CDH18: variants seen among roughly 807,000 people sequenced by gnomAD.
CDH18 encodes cadherin-18.
In CDH18, 31 loss-of-function variants were observed where a neutral mutation model predicts 67.9. The ratio of observed to expected loss-of-function variants is 0.46; its 90% CI spans 0.34 to 0.62. The LOEUF (loss-of-function observed/expected upper bound fraction) is 0.62, where lower values mean the gene tolerates loss of function less well. CDH18 is among the 20% of genes least tolerant of loss of function. CDH18 has a pLI of 0.01. For synonymous variants in CDH18, 362 were observed against 347.2 expected (o/e 1.04, Z -0.48); for missense variants, 890 against 975.5 (o/e 0.91, Z 1.17).
At chr5:19,612,382 C>T in intron 6 of CDH18, 52 bp downstream of exon 6, 1 of 1,556,264 alleles carries the variant, frequency 6.4e-7, no homozygotes, top group Non-Finnish European at 8.8e-7. Context: ...TTTCATTTTA[C>T]TTTACATAAA....
At chr5:19,751,475 C>A (rs930316213) in intron 3 of CDH18, among the ~76,000 whole-genome samples, 6 of 152,116 alleles carry the variant, frequency 3.9e-5, no homozygotes, top group African/African-American at 1.2e-4. Context: ...TATGATTGAT[C>A]ATTATCTCCA....
At chr5:19,845,851 G>A (rs946641268) in intron 2 of CDH18, among the ~76,000 whole-genome samples, 3 of 107,924 alleles carry the variant, frequency 2.8e-5, no homozygotes, top group Non-Finnish European at 6.4e-5. Context: ...ACATTTGCAT[G>A]GAATATATAT....
chr5:19,475,314 A>C (rs1738264119), intron 12 of CDH18, among the ~76,000 whole-genome samples: 2 of 152,064 alleles, frequency 1.3e-5, no homozygotes, highest in African/African-American at 4.8e-5. Flanking sequence ...ATAATTTAGT[A>C]AACATTATAG....
intron 1 of CDH18, among the ~76,000 whole-genome samples, chr5:20,560,151 C>T (rs867558942): frequency 1.3e-5 from 2 of 152,170 alleles, no homozygotes; most frequent in South Asian, 2.1e-4. Flanking sequence ...ATCAGGCTCC[C>T]GTGCTGTCAC....
intron 1 of CDH18, among the ~76,000 whole-genome samples, chr5:20,354,605 C>A (rs73056791): frequency 0.15 from 23,420 of 151,968 alleles, 3,196 homozygotes; most frequent in East Asian, 0.44. Flanking sequence ...GTTGCCCAGG[C>A]TAGTCTCGAA....
At chr5:19,608,823 T>G (rs1001021577) in intron 6 of CDH18, among the ~76,000 whole-genome samples, 2 of 151,850 alleles carry the variant, frequency 1.3e-5, no homozygotes, top group African/African-American at 2.4e-5. Flanking sequence ...CAATGTAATA[T>G]TGGAGGATCA....
chr5:19,799,258 A>C (rs1453494334), intron 3 of CDH18, among the ~76,000 whole-genome samples: 1 of 152,082 alleles, frequency 6.6e-6, no homozygotes, highest in Non-Finnish European at 1.5e-5. Context: ...GAAGGGAGAA[A>C]TGTGAAGTGT....
At chr5:19,648,153 A>C (rs1422878189) in intron 5 of CDH18, among the ~76,000 whole-genome samples, 2 of 152,092 alleles carry the variant, frequency 1.3e-5, no homozygotes. Context: ...AATGGCTCAG[A>C]CCTGTAATCC....
chr5:20,218,157 G>A (rs1740926436), intron 2 of CDH18, among the ~76,000 whole-genome samples: 1 of 151,774 alleles, frequency 6.6e-6, no homozygotes, highest in African/African-American at 2.4e-5. Flanking sequence ...CTGCACTACA[G>A]GCCCAACAGA....
At chr5:19,910,654 C>T (rs1308210519) in intron 2 of CDH18, among the ~76,000 whole-genome samples, 1 of 151,942 alleles carries the variant, frequency 6.6e-6, no homozygotes, top group Admixed American at 6.6e-5. Context: ...GCACAAACAT[C>T]AAATCAAAAT....
chr5:20,012,204 A>T (rs766437847), intron 2 of CDH18, among the ~76,000 whole-genome samples: 7 of 149,926 alleles, frequency 4.7e-5, no homozygotes, highest in Non-Finnish European at 8.9e-5. Context: ...TTTCTTCTAG[A>T]TTTTCCAGTT....
At chr5:19,590,862 C>T (rs762402792) in intron 7 of CDH18, among the ~76,000 whole-genome samples, 195 bp downstream of exon 7, 15 of 151,916 alleles carry the variant, frequency 9.9e-5, no homozygotes, top group African/African-American at 1.5e-4. Context: ...ATCTTCCCAC[C>T]GCAGCAAAAC....
At chr5:20,131,343 C>T (rs1023433009) in intron 2 of CDH18, among the ~76,000 whole-genome samples, 4 of 152,032 alleles carry the variant, frequency 2.6e-5, no homozygotes, top group Admixed American at 6.6e-5. Context: ...TGTAGCTTCA[C>T]CTTTCATTGC....
chr5:20,262,440 A>T (rs1308233568), intron 1 of CDH18, among the ~76,000 whole-genome samples: 1 of 152,170 alleles, frequency 6.6e-6, no homozygotes, highest in East Asian at 1.9e-4. Flanking sequence ...ATGTCTCCTT[A>T]AATTATGTCA....
At chr5:19,695,212 G>C (rs1762389457) in intron 5 of CDH18, among the ~76,000 whole-genome samples, 1 of 152,124 alleles carries the variant, frequency 6.6e-6, no homozygotes. Flanking sequence ...GCAGTAATTT[G>C]CTGGAAGGAT....
At chr5:20,178,413 A>T (rs1443891521) in intron 2 of CDH18, among the ~76,000 whole-genome samples, 1 of 151,836 alleles carries the variant, frequency 6.6e-6, no homozygotes, top group African/African-American at 2.4e-5. Flanking sequence ...GACTAAAAAC[A>T]TCATTGTTTC....
chr5:19,488,663 C>T (rs929479053), intron 11 of CDH18, among the ~76,000 whole-genome samples: 3 of 152,152 alleles, frequency 2.0e-5, no homozygotes, highest in Non-Finnish European at 2.9e-5. Context: ...AGCTCCCTTT[C>T]CATAATCGGT....
intron 4 of CDH18, among the ~76,000 whole-genome samples, chr5:19,721,747 A>T (rs1247615940): frequency 6.6e-6 from 1 of 152,166 alleles, no homozygotes; most frequent in Admixed American, 6.5e-5. Context: ...GATTTTCATT[A>T]AAAAAGCAAT....
intron 12 of CDH18, among the ~76,000 whole-genome samples, chr5:19,481,513 A>G (rs528123346): frequency 6.6e-6 from 1 of 152,288 alleles, no homozygotes; most frequent in South Asian, 2.1e-4. Flanking sequence ...CCCTCTTGTC[A>G]CCAGGAGTTC....
Sources: allele counts gnomAD v4.1 joint callset (sites outside exome capture counted in the v4.1 genomes callset), GRCh38; gene constraint gnomAD v4.1.1; transcripts MANE v1.5; gene names NCBI Gene and HGNC (gene_info 2026-07-23, HGNC 2026-07-21).